KIAA1217: variants seen among roughly 807,000 people sequenced by gnomAD.
KIAA1217 encodes the protein KIAA1217.
A neutral mutation model predicts 163.9 loss-of-function variants in KIAA1217; 88 were observed. The ratio of observed to expected loss-of-function variants is 0.54; its 90% CI spans 0.45 to 0.64. The LOEUF (loss-of-function observed/expected upper bound fraction) is 0.64, where lower values mean the gene tolerates loss of function less well. Ranked by LOEUF, KIAA1217 falls within the 30% of genes least tolerant of loss-of-function variation. The pLI is 0.00. For missense variants in KIAA1217, 2,372 were observed against 2,475.0 expected, an observed-to-expected ratio of 0.96 and a Z score of 0.88; for synonymous variants, 903 against 923.1, an observed-to-expected ratio of 0.98 and a Z score of 0.39.
At chr10:24,459,798 G>T (rs1244334801) in intron 5 of KIAA1217, among the ~76,000 whole-genome samples, 1 of 152,114 alleles carries the variant, frequency 6.6e-6, no homozygotes, top group Non-Finnish European at 1.5e-5. Context: ...GGGGATGGTA[G>T]TGTGCACCTA....
chr10:24,520,627 C>CAAAAAAAAAAAAAAA (rs71472812), intron 11 of KIAA1217, among the ~76,000 whole-genome samples: 1 of 44,942 alleles, frequency 2.2e-5, no homozygotes, highest in Non-Finnish European at 3.3e-5. Context: ...ACATCTCTAC[C>CAAAAAAAAAAAAAAA]AAAAAAAAAA....
At chr10:23,974,196 G>C (rs1298035902) in intron 1 of KIAA1217, among the ~76,000 whole-genome samples, 1 of 152,174 alleles carries the variant, frequency 6.6e-6, no homozygotes, top group African/African-American at 2.4e-5. Flanking sequence ...TTGTGAGAAA[G>C]TGGGTTTGAA....
chr10:24,360,769 C>T (rs1370694153), intron 2 of KIAA1217, among the ~76,000 whole-genome samples: 1 of 152,116 alleles, frequency 6.6e-6, no homozygotes, highest in Non-Finnish European at 1.5e-5. Flanking sequence ...GGCCAAATGA[C>T]GAGGAATGAA....
intron 1 of KIAA1217, among the ~76,000 whole-genome samples, chr10:23,958,132 A>G (rs1402396970): frequency 1.3e-5 from 2 of 152,222 alleles, no homozygotes; most frequent in Admixed American, 1.3e-4. Context: ...ATTAAAGTGG[A>G]CTTTTAAGGA....
chr10:23,739,367 C>T (rs1218264271), intron 1 of KIAA1217, among the ~76,000 whole-genome samples: 1 of 152,184 alleles, frequency 6.6e-6, no homozygotes, highest in African/African-American at 2.4e-5. Flanking sequence ...ATTGCACTTG[C>T]ACTCTTAAAT....
At chr10:24,279,927 T>C (rs996545074) in intron 2 of KIAA1217, among the ~76,000 whole-genome samples, 1 of 152,228 alleles carries the variant, frequency 6.6e-6, no homozygotes, top group Non-Finnish European at 1.5e-5. Context: ...TTTGATTTTC[T>C]TAAAAACCGA....
intron 2 of KIAA1217, among the ~76,000 whole-genome samples, chr10:24,324,360 A>C (rs2044585883): frequency 6.6e-6 from 1 of 152,126 alleles, no homozygotes; most frequent in South Asian, 2.1e-4. Flanking sequence ...TGAGGTCAGG[A>C]GTTTAAGACC....
intron 2 of KIAA1217, among the ~76,000 whole-genome samples, chr10:24,105,693 T>C (rs1201632795): frequency 6.6e-6 from 1 of 152,242 alleles, no homozygotes; most frequent in Non-Finnish European, 1.5e-5. Context: ...CATTCATTTC[T>C]CAGCAAATCT....
chr10:24,283,846 T>G (rs1226151302), intron 2 of KIAA1217, among the ~76,000 whole-genome samples: 3 of 152,186 alleles, frequency 2.0e-5, no homozygotes, highest in African/African-American at 7.2e-5. Context: ...ATCACATTGT[T>G]GTTTTAATTT....
chr10:23,814,825 A>AT (rs1430915772), intron 1 of KIAA1217, among the ~76,000 whole-genome samples: 1 of 152,120 alleles, frequency 6.6e-6, no homozygotes, highest in Non-Finnish European at 1.5e-5. Context: ...TAACCAAAAA[A>AT]AAAAATCACT....
chr10:23,988,363 C>T (rs1846073261), intron 1 of KIAA1217, among the ~76,000 whole-genome samples: 1 of 152,212 alleles, frequency 6.6e-6, no homozygotes, highest in Non-Finnish European at 1.5e-5. Context: ...ATAATTATAA[C>T]CAATAGTTTC....
chr10:23,735,861 A>C (rs1407503406), intron 1 of KIAA1217, among the ~76,000 whole-genome samples: 1 of 152,232 alleles, frequency 6.6e-6, no homozygotes, highest in Non-Finnish European at 1.5e-5. Flanking sequence ...CATATGAAAC[A>C]ATCAACCATC....
intron 9 of KIAA1217, 149 bp downstream of exon 9, chr10:24,501,694 C>A: frequency 2.2e-6 from 1 of 444,870 alleles, no homozygotes. Flanking sequence ...AGTCTAGAGC[C>A]TTCCACTGCA....
At chr10:24,363,183 C>T (rs2050256515) in intron 2 of KIAA1217, among the ~76,000 whole-genome samples, 1 of 152,182 alleles carries the variant, frequency 6.6e-6, no homozygotes, top group Admixed American at 6.5e-5. Flanking sequence ...GTCATTCAGA[C>T]CGTTTGAAGT....
chr10:24,208,675 G>T (rs2067705687), upstream of KIAA1217: 1 of 152,364 alleles, frequency 6.6e-6, no homozygotes, highest in Non-Finnish European at 1.5e-5. Context: ...TTAATATGTG[G>T]ATCACCCGAT....
chr10:24,226,607 ACT>A (rs2070590555), intron 2 of KIAA1217, among the ~76,000 whole-genome samples: 1 of 151,906 alleles, frequency 6.6e-6, no homozygotes, highest in African/African-American at 2.4e-5. Context: ...GCACCACTGC[ACT>A]CCAGCCTGGG....
At chr10:24,477,355 G>A (rs1240170151) in intron 6 of KIAA1217, among the ~76,000 whole-genome samples, 1 of 152,200 alleles carries the variant, frequency 6.6e-6, no homozygotes, top group Non-Finnish European at 1.5e-5. Flanking sequence ...TGGAGAAACT[G>A]AGGCTCAGAG....
At position 24,381,060 on chromosome 10, in the gene KIAA1217, A is replaced by T; in HGVS notation, c.546A>T (p.Arg182Ser). Residue 182 changes from arginine to serine, a missense_variant, in exon 3 of 21, where the codon AGA (arginine) becomes AGT (serine). Transcript: ENST00000376454. Reference protein sequence around the residue: ...VVRSTNQTKERSLGVLYLQYG... With the variant: ...VVRSTNQTKESSLGVLYLQYG... ...GGTCAACCAACCAGACGAAAGAAAG[A>T]TCTCTGGGTAAGCTTTAGAAGGCAG... is the stretch of plus-strand genomic sequence containing the variant. 1 of 1,555,836 alleles carries T rather than the reference A, an allele frequency of 6.4e-7. No homozygotes were observed. The highest frequency in any genetic ancestry group is 8.7e-7 in the Non-Finnish European group (1 of 1,149,744).
intron 2 of KIAA1217, among the ~76,000 whole-genome samples, chr10:24,046,094 T>TTTAA: frequency 6.6e-6 from 1 of 152,158 alleles, no homozygotes; most frequent in Non-Finnish European, 1.5e-5. Flanking sequence ...ATTTCATTTA[T>TTTAA]TTATTTATTT....
Sources: allele counts gnomAD v4.1 joint callset (sites outside exome capture counted in the v4.1 genomes callset), GRCh38; gene constraint gnomAD v4.1.1; transcripts MANE v1.5; gene names NCBI Gene and HGNC (gene_info 2026-07-23, HGNC 2026-07-21).